STK26: variants seen among roughly 807,000 people sequenced by gnomAD.
The protein encoded by STK26 is serine/threonine kinase 26, also known as serine/threonine-protein kinase 26.
Under a neutral mutation model 34.7 loss-of-function variants are expected in STK26, and 14 were observed. The observed-to-expected ratio is 0.40, with a 90% confidence interval of 0.27 to 0.63. The LOEUF is 0.63. Ranked by LOEUF, STK26 falls within the 30% of genes least tolerant of loss-of-function variation. The probability of loss-of-function intolerance (pLI) is 0.38; values close to 1 mark genes in which losing one functional copy is unlikely to be tolerated. For missense variants in STK26, 226 were observed against 309.1 expected (o/e 0.73, Z 2.02); for synonymous variants, 100 against 109.8 (o/e 0.91, Z 0.56).
intron 2 of STK26, among the ~76,000 whole-genome samples, chrX:132,024,905 A>G (rs778362895): frequency 6.4e-5 from 7 of 109,794 alleles, no homozygotes; most frequent in African/African-American, 2.3e-4. Context: ...GTCTGGGTTG[A>G]GTCTCAGGAA....
At chrX:132,052,784 G>T (rs1196656702) in intron 2 of STK26, among the ~76,000 whole-genome samples, 1 of 112,050 alleles carries the variant, frequency 8.9e-6, no homozygotes. Flanking sequence ...CTTATCAGAA[G>T]ATATATCCTA....
At chrX:132,035,444 TATA>T (rs758343689) in intron 2 of STK26, among the ~76,000 whole-genome samples, 31 of 110,789 alleles carry the variant, frequency 2.8e-4, no homozygotes, top group Non-Finnish European at 5.7e-4. Context: ...ATAATTTTAT[TATA>T]ATAATTTTTA....
chrX:132,072,315 C>T lies in STK26; in HGVS notation c.980C>T (p.Thr327Ile). Residue 327 changes from threonine to isoleucine, a missense_variant, in exon 9 of 12, where the codon ACC becomes ATC. By Grantham distance (89) the Thr-to-Ile change is moderately conservative (BLOSUM62 -1). Around this residue, in one of 2 missense-constraint regions of STK26, gnomAD observed 126 missense variants for 132.4 expected, o/e 0.95. Coordinates refer to ENST00000394334, the MANE Select transcript of STK26 (RefSeq NM_016542.4). ...AATACTCATCCTGAATGGAGCTTTACCACCGTACGAAAGAAGCCTGATCCA... is the reference window on the plus strand; with the variant it reads ...AATACTCATCCTGAATGGAGCTTTATCACCGTACGAAAGAAGCCTGATCCA... ...ENNTHPEWSF[T>I]TVRKKPDPKK... 8.3e-7 allele frequency: 1 copy of T among 1,208,990 alleles called. No homozygotes were observed. The highest frequency in any genetic ancestry group is 1.1e-6 in the Non-Finnish European group (1 of 893,535).
intron 2 of STK26, among the ~76,000 whole-genome samples, chrX:132,036,914 C>A (rs1037773659): frequency 8.9e-6 from 1 of 111,736 alleles, no homozygotes; most frequent in Non-Finnish European, 1.9e-5. Context: ...ATAGTAGTTA[C>A]AACTATTTTT....
In STK26 at chrX:132,068,322, A is replaced by C; in HGVS notation, c.438A>C (p.Lys146Asn). 1 of 1,197,676 alleles carries C rather than the reference A, an allele frequency of 8.3e-7. No individual in the cohort carries two copies. The highest frequency in any genetic ancestry group is 1.1e-6 in the Non-Finnish European group (1 of 888,981). ...HSEKKIHRDI[K>N]AANVLLSEQG... Reference sequence around the variant, plus strand: ...AAAAGAAAATTCACCGAGACATAAAAGGTATACAAAAGTCTAATATGAACC... The same window carrying C: ...AAAAGAAAATTCACCGAGACATAAACGGTATACAAAAGTCTAATATGAACC... The change falls in exon 5 of 12, where the codon AAA becomes AAC. Residue 146 changes from lysine (K) to asparagine (N), a missense_variant and splice_region_variant. Lys to Asn is a moderately conservative substitution (Grantham distance 94). Transcript: ENST00000394334.
chrX:132,060,570 TTTTG>T (rs779989995), intron 3 of STK26, among the ~76,000 whole-genome samples: 26 of 111,039 alleles, frequency 2.3e-4, no homozygotes, highest in South Asian at 3.8e-4. Context: ...TTTGTGTTTT[TTTTG>T]TTTGTTTGTT....
chrX:132,023,411 G>T lies in STK26; in HGVS notation c.-111+4G>T, dbSNP rs1018539411. On this transcript the variant is annotated splice_donor_region_variant and intron_variant, in intron 1 of 11. Transcript: ENST00000394334. Reference sequence around the variant, plus strand: ...GCGGCGGGCGGGCGCCAGAAAGGTAGACTGAGTCCCAGGGAGCTGCGCCGC... The same window carrying T: ...GCGGCGGGCGGGCGCCAGAAAGGTATACTGAGTCCCAGGGAGCTGCGCCGC... 8 of 553,847 alleles carry T rather than the reference G, an allele frequency of 1.4e-5. No individual in the cohort carries two copies. The highest frequency in any genetic ancestry group is 2.6e-5 in the Non-Finnish European group (8 of 312,465). 45.6% of individuals were successfully genotyped at this position (553,847 alleles called of 1,213,427 possible).
chrX:132,059,892 A>AAAC (rs1926990805), intron 3 of STK26, among the ~76,000 whole-genome samples: 2 of 111,767 alleles, frequency 1.8e-5, no homozygotes, highest in Non-Finnish European at 3.8e-5. Context: ...CAGCCAGTTT[A>AAAC]TGTATGCTCA....
At chrX:132,053,416 T>A (rs1926753027) in intron 2 of STK26, among the ~76,000 whole-genome samples, 1 of 112,058 alleles carries the variant, frequency 8.9e-6, no homozygotes, top group African/African-American at 3.2e-5. Flanking sequence ...CAAAAGGTAG[T>A]GGTTTACTGG....
chrX:132,036,561 C>T (rs1926058753), intron 2 of STK26, among the ~76,000 whole-genome samples: 1 of 111,924 alleles, frequency 8.9e-6, no homozygotes, highest in Non-Finnish European at 1.9e-5. Context: ...CACCATTGCA[C>T]TCCAGTCTGG....
Position 132,075,153 on chromosome X carries a change from T to C in STK26, c.*994T>C, listed in dbSNP as rs1927560696. 8.9e-6 allele frequency: 1 copy of C among 112,121 alleles called. No individual in the cohort carries two copies. The highest frequency in any genetic ancestry group is 1.9e-5 in the Non-Finnish European group (1 of 53,027). 9.2% of individuals were successfully genotyped at this position (112,121 alleles called of 1,213,427 possible). On this transcript the variant is annotated 3_prime_UTR_variant, in exon 12 of 12. Coordinates refer to ENST00000394334, the MANE Select transcript of STK26 (RefSeq NM_016542.4). Reference sequence around the variant, plus strand: ...TCAGTTTGTTGTTTTTAAAAGGATATTTAAGTGAGCATTTTCTAGTTCATA... The same window carrying C: ...TCAGTTTGTTGTTTTTAAAAGGATACTTAAGTGAGCATTTTCTAGTTCATA...
In STK26 at chrX:132,054,690, A is replaced by G. The variant is rs748918695; in HGVS notation, c.102A>G (p.Ser34=). 23 of 1,210,225 alleles carry G rather than the reference A, an allele frequency of 1.9e-5. No homozygotes were observed. The highest frequency in any genetic ancestry group is 2.5e-5 in the Non-Finnish European group (22 of 895,222). Reference sequence around the variant, plus strand: ...AATTAGAGCGCATTGGGAAAGGCTCATTTGGGGAAGTTTTCAAAGGAATTG... The same window carrying G: ...AATTAGAGCGCATTGGGAAAGGCTCGTTTGGGGAAGTTTTCAAAGGAATTG... The part of the protein sequence containing the change: ...FTKLERIGKG[S]FGEVFKGIDN... Residue 34 remains serine (S), a synonymous_variant, in exon 3 of 12, where the codon TCA becomes TCG. Coordinates refer to ENST00000394334, the MANE Select transcript of STK26 (RefSeq NM_016542.4).
At chrX:132,071,264 T>C (rs1927406318) in intron 8 of STK26, 47 bp downstream of exon 8, 1 of 1,149,679 alleles carries the variant, frequency 8.7e-7, no homozygotes, top group East Asian at 3.0e-5. Context: ...TATTTAAATA[T>C]TGTATATCTT....
chrX:132,062,422 G>A (rs905232921), intron 3 of STK26, among the ~76,000 whole-genome samples: 1 of 112,154 alleles, frequency 8.9e-6, no homozygotes, highest in Non-Finnish European at 1.9e-5. Context: ...TTCCTCCCAG[G>A]AGCCCCATTT....
At chrX:132,071,314 A>G in intron 8 of STK26, 97 bp downstream of exon 8, 2 of 973,273 alleles carry the variant, frequency 2.1e-6, no homozygotes, top group Non-Finnish European at 2.8e-6. Flanking sequence ...CATAAAATAT[A>G]AACCATATTT....
intron 2 of STK26, among the ~76,000 whole-genome samples, chrX:132,044,723 T>A (rs5977617): frequency 6.4e-5 from 3 of 47,121 alleles, no homozygotes; most frequent in Non-Finnish European, 1.2e-4. Flanking sequence ...ATATATATAT[T>A]TATATATATA....
At chrX:132,028,485 A>G (rs1925695766) in intron 2 of STK26, among the ~76,000 whole-genome samples, 1 of 111,330 alleles carries the variant, frequency 9.0e-6, no homozygotes, top group African/African-American at 3.3e-5. Context: ...AGTAGTTGAA[A>G]ATGTAGAACT....
intron 8 of STK26, 152 bp downstream of exon 8, chrX:132,071,369 T>C (rs761534575): frequency 3.1e-6 from 2 of 635,216 alleles, no homozygotes; most frequent in Non-Finnish European, 4.7e-6. Context: ...TCAATCACAG[T>C]CTGTGGAATA....
intron 2 of STK26, among the ~76,000 whole-genome samples, chrX:132,044,688 T>G (rs192336228): frequency 0.1 from 4,451 of 43,322 alleles, 576 homozygotes; most frequent in Admixed American, 0.19. Flanking sequence ...TATATATATA[T>G]AGAGAGAGAG....
Sources: gnomAD v4.1 joint callset for allele counts (sites outside exome capture counted in the v4.1 genomes callset) on GRCh38, gnomAD v4.1.1 for gene constraint, gnomAD v4.1.1 regional missense constraint, MANE v1.5 for transcripts, NCBI Gene and HGNC (gene_info 2026-07-23, HGNC 2026-07-21) for gene names.